Variants in PTPRT observed in about 807,000 individuals in gnomAD.
PTPRT encodes receptor-type tyrosine-protein phosphatase T.
A neutral mutation model predicts 176.8 loss-of-function variants in PTPRT; 56 were observed. The observed-to-expected ratio is 0.32, with a 90% CI of 0.26 to 0.40. The LOEUF is 0.40. PTPRT is among the 10% of genes least tolerant of loss of function. The probability of loss-of-function intolerance (pLI) is 1.00; values close to 1 mark genes in which losing one functional copy is unlikely to be tolerated. For synonymous variants in PTPRT, 783 were observed against 739.0 expected, an observed-to-expected ratio of 1.06 and a Z score of -0.96; for missense variants, 1,540 against 1,908.2, an observed-to-expected ratio of 0.81 and a Z score of 3.60.
chr20:42,482,417 G>A (rs2071403138), intron 7 of PTPRT, among the ~76,000 whole-genome samples: 1 of 152,196 alleles, frequency 6.6e-6, no homozygotes, highest in African/African-American at 2.4e-5. Flanking sequence ...AGTTGTAACA[G>A]TATGGTAAGA....
intron 15 of PTPRT, among the ~76,000 whole-genome samples, chr20:42,229,057 G>C (rs2056080525): frequency 6.6e-6 from 1 of 152,184 alleles, no homozygotes; most frequent in South Asian, 2.1e-4. Flanking sequence ...GGGCACACAA[G>C]GGGGATAGGA....
chr20:42,334,779 A>C (rs1434366865), intron 11 of PTPRT, among the ~76,000 whole-genome samples: 1 of 152,268 alleles, frequency 6.6e-6, no homozygotes, highest in Non-Finnish European at 1.5e-5. Context: ...ATTTATTTAA[A>C]TGATAGCATT....
rs1443390760 is a variant in PTPRT at position 42,472,346 on chromosome 20, G to A, written c.1370C>T (p.Thr457Ile). 1.2e-6 allele frequency: 2 copies of A among 1,614,100 alleles called. No individual in the cohort carries two copies. The highest frequency in any genetic ancestry group is 1.7e-6 in the Non-Finnish European group (2 of 1,180,054). Reference sequence around the variant, plus strand: ...AGACAGCAAGAGTCGCAGCCGGATGGTCATGAAGGGGCGCAGGCCTCGCAG... The same window carrying A: ...AGACAGCAAGAGTCGCAGCCGGATGATCATGAAGGGGCGCAGGCCTCGCAG... ...YTLRGLRPFM[T>I]IRLRLLLSNP... Residue 457 changes from threonine to isoleucine, a missense_variant, in exon 8 of 31, where the codon ACC (threonine) becomes ATC (isoleucine). Thr to Ile is a moderately conservative substitution (Grantham distance 89). Coordinates refer to ENST00000373187, the MANE Select transcript of PTPRT (RefSeq NM_007050.6).
At chr20:43,102,455 ATATT>A (rs1568786492) in intron 1 of PTPRT, among the ~76,000 whole-genome samples, 1 of 152,152 alleles carries the variant, frequency 6.6e-6, no homozygotes, top group Non-Finnish European at 1.5e-5. Context: ...ATCCACCAAA[ATATT>A]TATTTTATTT....
chr20:42,686,666 A>G (rs3092270), intron 6 of PTPRT, among the ~76,000 whole-genome samples: 46,855 of 150,746 alleles, frequency 0.31, 7,518 homozygotes, highest in African/African-American at 0.36. Flanking sequence ...CTAATTTTTT[A>G]TATTTTTGGT....
intron 1 of PTPRT, among the ~76,000 whole-genome samples, chr20:43,057,318 G>A (rs1241941521): frequency 8.9e-6 from 1 of 112,214 alleles, no homozygotes; most frequent in Non-Finnish European, 1.9e-5. Context: ...TGGAGGAGGA[G>A]GGGGGAAGGG....
chr20:42,847,440 C>A (rs1470411828), intron 2 of PTPRT, among the ~76,000 whole-genome samples: 1 of 152,194 alleles, frequency 6.6e-6, no homozygotes, highest in East Asian at 1.9e-4. Flanking sequence ...ACAGGCCAGC[C>A]TTTCAGGGCA....
intron 16 of PTPRT, among the ~76,000 whole-genome samples, chr20:42,175,399 C>T (rs944898731): frequency 6.6e-6 from 1 of 152,060 alleles, no homozygotes; most frequent in Non-Finnish European, 1.5e-5. Flanking sequence ...TATAACTTTT[C>T]CCCCAAACTT....
intron 22 of PTPRT, among the ~76,000 whole-genome samples, chr20:42,114,225 T>G (rs542839141): frequency 1.3e-5 from 2 of 152,354 alleles, no homozygotes; most frequent in East Asian, 3.9e-4. Context: ...GTACCAACCT[T>G]GCAGCTGGGC....
intron 3 of PTPRT, among the ~76,000 whole-genome samples, chr20:42,790,381 T>C (rs142425222): frequency 6.6e-6 from 1 of 152,124 alleles, no homozygotes; most frequent in East Asian, 1.9e-4. Context: ...TTAGGAACTG[T>C]TGCAACAATC....
chr20:42,862,815 C>T (rs1273397038), intron 2 of PTPRT, among the ~76,000 whole-genome samples: 1 of 152,174 alleles, frequency 6.6e-6, no homozygotes, highest in Admixed American at 6.5e-5. Context: ...CAGTTATAAT[C>T]CACCCTCTTA....
chr20:42,234,639 G>T (rs142768378), intron 15 of PTPRT, among the ~76,000 whole-genome samples: 4 of 152,200 alleles, frequency 2.6e-5, no homozygotes, highest in African/African-American at 9.7e-5. Context: ...AATAGGTGAC[G>T]TTATGCTAGT....
chr20:42,272,859 G>A (rs1281916624), intron 13 of PTPRT, among the ~76,000 whole-genome samples: 1 of 152,118 alleles, frequency 6.6e-6, no homozygotes, highest in Non-Finnish European at 1.5e-5. Context: ...AAATTCAGTG[G>A]CATGCTCTCT....
At chr20:42,447,747 C>T (rs1166537585) in intron 9 of PTPRT, among the ~76,000 whole-genome samples, 4 of 152,152 alleles carry the variant, frequency 2.6e-5, no homozygotes, top group African/African-American at 9.7e-5. Flanking sequence ...ACCTGGGTGA[C>T]AAAATATGCC....
chr20:42,111,338 T>C (rs1986983006), intron 22 of PTPRT, among the ~76,000 whole-genome samples: 1 of 152,196 alleles, frequency 6.6e-6, no homozygotes, highest in South Asian at 2.1e-4. Flanking sequence ...ATTTACCAAG[T>C]GTGACCTGTG....
chr20:42,819,636 T>C (rs1371541420), intron 2 of PTPRT, among the ~76,000 whole-genome samples: 1 of 152,044 alleles, frequency 6.6e-6, no homozygotes, highest in Non-Finnish European at 1.5e-5. Context: ...GAGGCATTGG[T>C]GTGCTGTATT....
Position 43,189,792 on chromosome 20 carries a change from G to T in PTPRT, c.-59C>A, listed in dbSNP as rs1028150225. ...CGGGGGCCGGGGCCGGGACTGGGGC[G>T]GGCGCGGGGTGGCCCCGCATCGCCG... is the stretch of plus-strand genomic sequence containing the variant. On this transcript the variant is annotated 5_prime_UTR_variant, in exon 1 of 31. Coordinates refer to ENST00000373187, the MANE Select transcript of PTPRT (RefSeq NM_007050.6). The surrounding 1 kb of genome is among the most constrained non-coding windows in gnomAD (Gnocchi z 5.0). 1.1e-5 allele frequency: 11 copies of T among 979,908 alleles called. No individual in the cohort carries two copies. In the African/African-American group the frequency reaches 1.9e-4, roughly 17 times the overall value. The allele number at this position is 979,908 out of a possible 1,614,324, so 60.7% of individuals were successfully genotyped here.
In PTPRT at chr20:42,420,096, C is replaced by G. The variant is rs116299667; in HGVS notation, c.1560+28124G>C. The stretch of plus-strand genomic sequence containing the variant: ...GAGACTGTGAGAGAATGAATGTCTG[C>G]TGTCTAAAGCCACCTGGTTTGTGAT... On this transcript the variant is annotated intron_variant, in intron 9 of 30. Coordinates refer to ENST00000373187, the MANE Select transcript of PTPRT (RefSeq NM_007050.6). 3.3e-3 allele frequency among the ~76,000 whole-genome samples: 508 copies of G among 152,274 alleles called. 4 individuals carry two copies. Among genetic ancestry groups the G allele is most frequent in the African/African-American group, 0.012 (485 of 41,562 alleles).
chr20:42,736,585 G>A (rs1470250493), intron 6 of PTPRT, among the ~76,000 whole-genome samples: 1 of 152,228 alleles, frequency 6.6e-6, no homozygotes, highest in Non-Finnish European at 1.5e-5. Flanking sequence ...GTAGTTTCAA[G>A]AAGTCACCTT....
Sources: allele counts gnomAD v4.1 joint callset (sites outside exome capture counted in the v4.1 genomes callset), GRCh38; gene constraint gnomAD v4.1.1; non-coding constraint Gnocchi (gnomAD v3.1); transcripts MANE v1.5; gene names NCBI Gene and HGNC (gene_info 2026-07-23, HGNC 2026-07-21).